The following ZMYM4 variants were observed in gnomAD, a reference collection of about 807,000 sequenced individuals.
ZMYM4 encodes the protein zinc finger MYM-type protein 4.
ZMYM4 carries 31 observed loss-of-function variants against 183.2 expected under a neutral mutation model. The observed-to-expected ratio is 0.17, with a 90% CI of 0.13 to 0.23. The LOEUF (loss-of-function observed/expected upper bound fraction) is 0.23. Ranked by LOEUF, ZMYM4 falls within the 10% of genes least tolerant of loss-of-function variation. ZMYM4 has a pLI of 1.00. For missense variants in ZMYM4, 1,273 were observed against 1,840.3 expected, an observed-to-expected ratio of 0.69 and a Z score of 5.64; for synonymous variants, 592 against 631.2, an observed-to-expected ratio of 0.94 and a Z score of 0.93.
At position 35,393,804 on chromosome 1, in the gene ZMYM4, C is replaced by A. The variant is rs759460409; in HGVS notation, c.2911+65C>A. On this transcript the variant is annotated intron_variant, in intron 18 of 29. Coordinates refer to ENST00000314607, the MANE Select transcript of ZMYM4 (RefSeq NM_005095.3). ...GGGAAAGAAATGTAGGATCTACTTA[C>A]ATTGAGTACCTGCTATTTCCTAGGT... 6.1e-6 allele frequency: 9 copies of A among 1,473,728 alleles called. No homozygotes were observed. The South Asian group carries it at 1.3e-4, about 22-fold the overall frequency. The allele number at this position is 1,473,728 out of a possible 1,614,324, so 91.3% of individuals were successfully genotyped here.
chr1:35,401,093 A>G (rs890901518), intron 23 of ZMYM4, among the ~76,000 whole-genome samples: 1 of 152,356 alleles, frequency 6.6e-6, no homozygotes. Flanking sequence ...ACATCTTAGT[A>G]TCAATCTTTG....
intron 1 of ZMYM4, among the ~76,000 whole-genome samples, chr1:35,280,279 T>C (rs992730122): frequency 6.7e-5 from 10 of 150,212 alleles, no homozygotes; most frequent in South Asian, 2.2e-4. Flanking sequence ...TCTCTCTCTC[T>C]CCCTCTCTCT....
At chr1:35,364,149 T>C (rs140778491) in intron 5 of ZMYM4, among the ~76,000 whole-genome samples, 180 of 152,354 alleles carry the variant, frequency 1.2e-3, no homozygotes, top group Non-Finnish European at 2.2e-3. Flanking sequence ...AAATACTGAA[T>C]ATGAATATGA....
At chr1:35,347,920 A>G (rs1643459129) in intron 2 of ZMYM4, among the ~76,000 whole-genome samples, 1 of 152,230 alleles carries the variant, frequency 6.6e-6, no homozygotes. Context: ...TTTACTCAGT[A>G]AGATGATAGT....
intron 1 of ZMYM4, among the ~76,000 whole-genome samples, chr1:35,276,162 A>G (rs1451239707): frequency 6.6e-6 from 1 of 152,120 alleles, no homozygotes; most frequent in African/African-American, 2.4e-5. Flanking sequence ...TTACAAATGT[A>G]TTTTAATACT....
intron 20 of ZMYM4, among the ~76,000 whole-genome samples, 198 bp downstream of exon 20, chr1:35,397,743 A>G (rs1363740926): frequency 5.3e-5 from 8 of 152,184 alleles, no homozygotes; most frequent in Non-Finnish European, 1.5e-5. Context: ...AAGTATTGGT[A>G]TTCAATAGTT....
In ZMYM4 at chr1:35,387,672, AGCTTTC is replaced by A; in HGVS notation, c.2263+69_2263+74del. ...TTTTAAAGCAGTTGATGATGATTTA[AGCTTTC>A]ACTGTCTAAGTTAATCTGTTTTATT... On this transcript the variant is annotated intron_variant, in intron 13 of 29. Coordinates refer to ENST00000314607, the MANE Select transcript of ZMYM4 (RefSeq NM_005095.3). 1.9e-5 allele frequency: 29 copies of A among 1,494,776 alleles called. 1 individual carries two copies. In the South Asian group the frequency reaches 3.9e-4, roughly 20 times the overall value. The allele number at this position is 1,494,776 out of a possible 1,614,324, so 92.6% of individuals were successfully genotyped here. A position where few individuals can be genotyped will look rare whatever the true frequency, so the allele number is the denominator to read the frequency against.
chr1:35,419,230 G>A (rs1454219647), intron 29 of ZMYM4, among the ~76,000 whole-genome samples: 1 of 152,040 alleles, frequency 6.6e-6, no homozygotes, highest in South Asian at 2.1e-4. Flanking sequence ...TGATTCCTGG[G>A]AGGAAATATT....
At chr1:35,330,794 T>C (rs1362202990) in intron 2 of ZMYM4, among the ~76,000 whole-genome samples, 1 of 152,220 alleles carries the variant, frequency 6.6e-6, no homozygotes, top group Admixed American at 6.5e-5. Flanking sequence ...CTGATTTACC[T>C]AGCTACTAAG....
intron 2 of ZMYM4, among the ~76,000 whole-genome samples, chr1:35,327,156 C>T (rs866540146): frequency 6.6e-6 from 1 of 152,296 alleles, no homozygotes; most frequent in African/African-American, 2.4e-5. Flanking sequence ...CCACAGCGCC[C>T]GGGCTTTGTT....
chr1:35,328,454 A>ATTTTTTTT (rs754078160), intron 2 of ZMYM4, among the ~76,000 whole-genome samples: 51 of 117,046 alleles, frequency 4.4e-4, no homozygotes, highest in Non-Finnish European at 6.3e-4. Flanking sequence ...TAATTTTTTA[A>ATTTTTTTT]TTTTTTTTTT....
intron 1 of ZMYM4, among the ~76,000 whole-genome samples, chr1:35,308,052 C>T (rs764531713): frequency 6.6e-6 from 1 of 151,818 alleles, no homozygotes; most frequent in Non-Finnish European, 1.5e-5. Context: ...AGTGCAGTGG[C>T]TCAATCTTGG....
intron 1 of ZMYM4, among the ~76,000 whole-genome samples, chr1:35,270,882 G>T (rs1464286402): frequency 6.6e-6 from 1 of 151,998 alleles, no homozygotes; most frequent in Non-Finnish European, 1.5e-5. Flanking sequence ...GCATTTCATC[G>T]TAGTGTTTTG....
intron 2 of ZMYM4, among the ~76,000 whole-genome samples, chr1:35,339,216 T>C (rs1643099707): frequency 6.6e-6 from 1 of 152,146 alleles, no homozygotes; most frequent in South Asian, 2.1e-4. Context: ...ATAACAACTA[T>C]TTACATAGCA....
At chr1:35,362,354 G>A (rs1643957835) in intron 5 of ZMYM4, among the ~76,000 whole-genome samples, 1 of 152,182 alleles carries the variant, frequency 6.6e-6, no homozygotes, top group African/African-American at 2.4e-5. Context: ...CTATTTCAAG[G>A]TTGCTCTGGA....
chr1:35,332,048 A>C (rs930154056), intron 2 of ZMYM4, among the ~76,000 whole-genome samples: 2 of 151,982 alleles, frequency 1.3e-5, no homozygotes, highest in African/African-American at 4.8e-5. Context: ...TACATTTACT[A>C]ATAGCCATGT....
intron 1 of ZMYM4, among the ~76,000 whole-genome samples, chr1:35,295,032 A>C (rs1557935756): frequency 6.6e-6 from 1 of 152,246 alleles, no homozygotes; most frequent in Non-Finnish European, 1.5e-5. Flanking sequence ...GTTATGCATG[A>C]GGAACCATTG....
Position 35,392,701 on chromosome 1 carries a change from T to C in ZMYM4, c.2766+17T>C. On this transcript the variant is annotated intron_variant, in intron 17 of 29. Transcript: ENST00000314607. ...ATCGGTGATGTAAGTTTTATTACTTTTATTGGTATTGTCACTGTATTTATT... is the reference window on the plus strand; with the variant it reads ...ATCGGTGATGTAAGTTTTATTACTTCTATTGGTATTGTCACTGTATTTATT... 6.3e-7 allele frequency: 1 copy of C among 1,584,668 alleles called. No homozygotes were observed. The highest frequency in any genetic ancestry group is 8.6e-7 in the Non-Finnish European group (1 of 1,165,614).
chr1:35,393,891 G>A (rs1644756404), intron 18 of ZMYM4, 152 bp downstream of exon 18: 1 of 869,754 alleles, frequency 1.1e-6, no homozygotes, highest in Non-Finnish European at 1.6e-6. Flanking sequence ...CCGTGAGTTA[G>A]GTATTTTCCG....
Sources: gnomAD v4.1 joint callset for allele counts (sites outside exome capture counted in the v4.1 genomes callset) on GRCh38, gnomAD v4.1.1 for gene constraint, MANE v1.5 for transcripts, NCBI Gene and HGNC (gene_info 2026-07-23, HGNC 2026-07-21) for gene names.